Variants in CLDN10 observed in about 807,000 individuals in gnomAD.
The protein encoded by CLDN10 is claudin 10, also known as claudin-10.
CLDN10 carries 15 observed loss-of-function variants against 22.9 expected under a neutral mutation model. The ratio of observed to expected loss-of-function variants is 0.65; its 90% CI spans 0.44 to 1.01. CLDN10 has a LOEUF of 1.01. Ranked by LOEUF, CLDN10 falls within the 50% of genes least tolerant of loss-of-function variation. The pLI, the probability that CLDN10 is intolerant of heterozygous loss-of-function variation, is 0.00. For synonymous variants in CLDN10, 114 were observed against 111.4 expected, an observed-to-expected ratio of 1.02 and a Z score of -0.15; for missense variants, 247 against 287.8, an observed-to-expected ratio of 0.86 and a Z score of 1.03.
intron 3 of CLDN10, among the ~76,000 whole-genome samples, chr13:95,575,590 C>CGTGTGTGTGTGTGTGT (rs112441621): frequency 0.021 from 3,120 of 151,592 alleles, 39 homozygotes; most frequent in Middle Eastern, 0.048. Context: ...CTGCTCAGTT[C>CGTGTGTGTGTGTGTGT]GTGTGTGTGT....
intron 1 of CLDN10, among the ~76,000 whole-genome samples, chr13:95,524,094 C>CTT (rs36014421): frequency 0.024 from 3,245 of 137,840 alleles, 116 homozygotes; most frequent in African/African-American, 0.073. Flanking sequence ...CTTTGACTGG[C>CTT]TTTTTTTTTT....
intron 1 of CLDN10, among the ~76,000 whole-genome samples, chr13:95,493,620 A>G (rs2042899359): frequency 6.7e-6 from 1 of 148,314 alleles, no homozygotes; most frequent in Admixed American, 6.8e-5. Context: ...GTACAATGGC[A>G]TGATCTTGGC....
chr13:95,554,163 C>T (rs2043604711), intron 1 of CLDN10, among the ~76,000 whole-genome samples: 1 of 152,108 alleles, frequency 6.6e-6, no homozygotes, highest in African/African-American at 2.4e-5. Context: ...GGGTCCGTGT[C>T]CTGTTCGGTA....
At chr13:95,562,077 G>A (rs1217339817) in intron 3 of CLDN10, among the ~76,000 whole-genome samples, 3 of 151,386 alleles carry the variant, frequency 2.0e-5, no homozygotes, top group East Asian at 1.9e-4. Flanking sequence ...TTACAGGCAC[G>A]CACCACCATG....
chr13:95,566,615 C>T lies in CLDN10; in HGVS notation c.464+6152C>T, dbSNP rs1196076697. On this transcript the variant is annotated intron_variant, in intron 3 of 4. Transcript: ENST00000299339. Reference sequence around the variant, plus strand: ...CAGTTTCTTTTGCTGTGCAGAAGCTCTTTAGTTTAATTAGATCTCATTTGT... The same window carrying T: ...CAGTTTCTTTTGCTGTGCAGAAGCTTTTTAGTTTAATTAGATCTCATTTGT... Among the ~76,000 whole-genome samples the T allele has an allele frequency of 2.6e-5, 4 of 152,276 alleles. No individual in the cohort carries two copies. The East Asian group carries it at 7.7e-4, about 29-fold the overall frequency.
At chr13:95,547,043 TAAC>T (rs2043516737) in intron 1 of CLDN10, among the ~76,000 whole-genome samples, 1 of 138,350 alleles carries the variant, frequency 7.2e-6, no homozygotes, top group African/African-American at 2.6e-5. Context: ...GGCGGCTGGC[TAAC>T]TTTTTTTTTT....
At chr13:95,559,170 T>G (rs756001395) in intron 1 of CLDN10, among the ~76,000 whole-genome samples, 35 of 152,222 alleles carry the variant, frequency 2.3e-4, no homozygotes, top group Non-Finnish European at 3.8e-4. Flanking sequence ...ACCCGGTATG[T>G]GCTACTATCA....
chr13:95,508,065 G>A (rs972998398), intron 1 of CLDN10, among the ~76,000 whole-genome samples: 4 of 152,182 alleles, frequency 2.6e-5, no homozygotes, highest in South Asian at 2.1e-4. Context: ...TCCAGCCTGG[G>A]TGACAGAGCA....
At chr13:95,559,235 T>C (rs912009976) in intron 1 of CLDN10, among the ~76,000 whole-genome samples, 3 of 152,228 alleles carry the variant, frequency 2.0e-5, no homozygotes, top group African/African-American at 7.2e-5. Flanking sequence ...ATGGCTTATG[T>C]GGTAAAAGCT....
chr13:95,456,637 G>A (rs971020673), intron 1 of CLDN10, among the ~76,000 whole-genome samples: 1 of 152,080 alleles, frequency 6.6e-6, no homozygotes, highest in Admixed American at 6.6e-5. Context: ...GCACAGCTTA[G>A]TCTCAGTTAC....
intron 1 of CLDN10, among the ~76,000 whole-genome samples, chr13:95,446,847 A>T (rs147476188): frequency 1.3e-5 from 2 of 152,246 alleles, no homozygotes; most frequent in African/African-American, 4.8e-5. Flanking sequence ...GTCTCAAAAA[A>T]AAAAAGAATT....
chr13:95,577,748 AC>A, intron 4 of CLDN10, 151 bp from the exon 5 acceptor site: 1 of 564,032 alleles, frequency 1.8e-6, no homozygotes, highest in Non-Finnish European at 3.1e-6. Context: ...CACTGAAAAT[AC>A]TTCTTGGGGC....
chr13:95,577,851 T>G lies in CLDN10; in HGVS notation c.573-49T>G, dbSNP rs759914128. 5 of 1,210,578 alleles carry G rather than the reference T, an allele frequency of 4.1e-6. No homozygotes were observed. In the Admixed American group the frequency reaches 1.0e-4, roughly 25 times the overall value. The allele number at this position is 1,210,578 out of a possible 1,614,324, so 75.0% of individuals were successfully genotyped here. On this transcript the variant is annotated intron_variant, in intron 4 of 4. Transcript: ENST00000299339. ...CGAAACAGTTTCTTCCCATTTTTGT[T>G]TGCCCTATGTGTAGAATAGAATCTA...
intron 1 of CLDN10, among the ~76,000 whole-genome samples, chr13:95,545,583 T>G (rs983692323): frequency 6.6e-6 from 1 of 152,192 alleles, no homozygotes; most frequent in African/African-American, 2.4e-5. Context: ...CCCAGTTTCC[T>G]CATTTGAAAA....
At chr13:95,559,174 A>G (rs1482781487) in intron 1 of CLDN10, among the ~76,000 whole-genome samples, 1 of 152,224 alleles carries the variant, frequency 6.6e-6, no homozygotes, top group Admixed American at 6.5e-5. Context: ...GGTATGTGCT[A>G]CTATCACTAT....
intron 1 of CLDN10, among the ~76,000 whole-genome samples, chr13:95,531,152 T>C (rs983947721): frequency 2.0e-5 from 3 of 151,992 alleles, no homozygotes; most frequent in African/African-American, 7.3e-5. Flanking sequence ...TCTCATGACC[T>C]CATGATCTGC....
chr13:95,571,203 CA>C (rs998374204), intron 3 of CLDN10, among the ~76,000 whole-genome samples: 4 of 151,976 alleles, frequency 2.6e-5, no homozygotes, highest in African/African-American at 9.7e-5. Context: ...TTAATATATA[CA>C]ATTTATAGAA....
chr13:95,508,195 C>T lies in CLDN10; in HGVS notation c.215-51937C>T, dbSNP rs1594573804. Among the ~76,000 whole-genome samples the T allele has an allele frequency of 2.6e-5, 4 of 152,352 alleles. No homozygotes were observed. The East Asian group carries it at 7.7e-4, about 29-fold the overall frequency. On this transcript the variant is annotated intron_variant, in intron 1 of 4. Transcript: ENST00000376873. ...ATATATTCATTAGCTTCCTCTCCCA[C>T]ACCCTATCCTTCTATGCCATTCATT...
At chr13:95,463,437 A>C (rs1280829319) in intron 1 of CLDN10, among the ~76,000 whole-genome samples, 1 of 141,142 alleles carries the variant, frequency 7.1e-6, no homozygotes, top group African/African-American at 2.7e-5. Context: ...GGCTCAGGTG[A>C]TCCTCCCACC....
Sources: allele counts gnomAD v4.1 joint callset (sites outside exome capture counted in the v4.1 genomes callset), GRCh38; gene constraint gnomAD v4.1.1; transcripts MANE v1.5; gene names NCBI Gene and HGNC (gene_info 2026-07-23, HGNC 2026-07-21).